Variants in CEP112 observed in about 807,000 individuals in gnomAD.
CEP112 encodes the protein centrosomal protein of 112 kDa.
A neutral mutation model predicts 153.0 loss-of-function variants in CEP112; 127 were observed. The observed-to-expected ratio is 0.83, with a 90% CI of 0.72 to 0.96. CEP112 has a LOEUF of 0.96. Ranked by LOEUF, CEP112 falls within the 40% of genes least tolerant of loss-of-function variation. The pLI is 0.00. For synonymous variants in CEP112, 358 were observed against 374.4 expected (o/e 0.96, Z 0.51); for missense variants, 1,089 against 1,101.2 (o/e 0.99, Z 0.16).
chr17:65,889,778 C>G (rs1476119378), intron 20 of CEP112, among the ~76,000 whole-genome samples: 1 of 152,046 alleles, frequency 6.6e-6, no homozygotes, highest in African/African-American at 2.4e-5. Context: ...CAAACCATAA[C>G]TCAAGGTCTG....
At chr17:66,035,831 A>C (rs2065715410) in intron 12 of CEP112, among the ~76,000 whole-genome samples, 2 of 152,158 alleles carry the variant, frequency 1.3e-5, no homozygotes, top group South Asian at 4.1e-4. Context: ...AACCAAAAGA[A>C]TTCACAGACC....
At chr17:65,904,830 C>T (rs1267457562) in intron 19 of CEP112, among the ~76,000 whole-genome samples, 1 of 152,082 alleles carries the variant, frequency 6.6e-6, no homozygotes, top group Non-Finnish European at 1.5e-5. Context: ...TTTGACAAAC[C>T]TGACAAAAAC....
intron 4 of CEP112, among the ~76,000 whole-genome samples, chr17:66,149,880 GTTTGTTTGTTTTTTT>G (rs2071104162): frequency 1.6e-5 from 1 of 60,740 alleles, no homozygotes; most frequent in East Asian, 4.4e-4. Context: ...TTTTTTTTTT[GTTTGTTTGTTTTTTT>G]TTTTTTTTTT....
chr17:66,013,072 G>T (rs756727577), intron 16 of CEP112, among the ~76,000 whole-genome samples: 120 of 152,248 alleles, frequency 7.9e-4, no homozygotes, highest in Non-Finnish European at 1.6e-3. Context: ...GCTCTATCAG[G>T]TAAGTTTGGT....
At chr17:66,114,184 G>A (rs570340549) in intron 6 of CEP112, among the ~76,000 whole-genome samples, 54 of 152,266 alleles carry the variant, frequency 3.5e-4, no homozygotes, top group Middle Eastern at 3.4e-3. Flanking sequence ...AAATAGAATC[G>A]CAATAATAAA....
intron 12 of CEP112, among the ~76,000 whole-genome samples, chr17:66,031,719 C>T (rs1199591168): frequency 6.6e-6 from 1 of 152,058 alleles, no homozygotes; most frequent in Non-Finnish European, 1.5e-5. Context: ...TTCTCAGCCT[C>T]CCAAAGTGCT....
At chr17:65,989,857 C>G (rs1005348051) in intron 17 of CEP112, among the ~76,000 whole-genome samples, 2 of 152,114 alleles carry the variant, frequency 1.3e-5, no homozygotes, top group African/African-American at 4.8e-5. Flanking sequence ...GTAATTGAGA[C>G]AACATAAAGT....
At chr17:65,771,200 C>T (rs564434145) in intron 21 of CEP112, among the ~76,000 whole-genome samples, 1 of 152,042 alleles carries the variant, frequency 6.6e-6, no homozygotes, top group East Asian at 1.9e-4. Context: ...ACCATGCAAA[C>T]AGTAATCATA....
At chr17:65,928,593 AG>A (rs2061011888) in intron 18 of CEP112, among the ~76,000 whole-genome samples, 1 of 152,210 alleles carries the variant, frequency 6.6e-6, no homozygotes, top group Admixed American at 6.5e-5. Context: ...AATCATAAAA[AG>A]GAAAGAAGTA....
At chr17:65,790,204 G>A (rs1456053244) in intron 21 of CEP112, among the ~76,000 whole-genome samples, 2 of 152,168 alleles carry the variant, frequency 1.3e-5, no homozygotes, top group African/African-American at 2.4e-5. Context: ...CTAAAGGAAA[G>A]AGAGCCATTT....
intron 20 of CEP112, among the ~76,000 whole-genome samples, chr17:65,867,135 CCT>C (rs1344085375): frequency 6.6e-6 from 1 of 152,234 alleles, no homozygotes; most frequent in Non-Finnish European, 1.5e-5. Context: ...ACCACATTCC[CCT>C]GTGTCAGCCA....
At chr17:65,911,499 A>G (rs1280418825) in intron 19 of CEP112, among the ~76,000 whole-genome samples, 3 of 152,112 alleles carry the variant, frequency 2.0e-5, no homozygotes, top group Admixed American at 6.6e-5. Context: ...ATAATCTCTT[A>G]TGTGGTTAAA....
Position 66,030,022 on chromosome 17 carries a change from T to G in CEP112, c.1220A>C (p.Asn407Thr). 2 of 1,612,928 alleles carry G rather than the reference T, an allele frequency of 1.2e-6. No homozygotes were observed. Among genetic ancestry groups the G allele is most frequent in the Non-Finnish European group, 1.7e-6 (2 of 1,179,582 alleles). Residue 407 changes from asparagine to threonine, a missense_variant and splice_region_variant, in exon 13 of 27, where the codon AAC becomes ACC. By Grantham distance (65) the Asn-to-Thr change is moderately conservative. Coordinates refer to ENST00000535342, the MANE Select transcript of CEP112 (RefSeq NM_001199165.4). Reference sequence around the variant, plus strand: ...GGCCTCCAGTTCTTTGATCATGTGGTTCTAAAAGAACAGGTCATGGTTAAG... The same window carrying G: ...GGCCTCCAGTTCTTTGATCATGTGGGTCTAAAAGAACAGGTCATGGTTAAG... ...SEYMAQTQST[N>T]HMIKELEARV...
chr17:66,033,124 T>C (rs1271245108), intron 12 of CEP112, among the ~76,000 whole-genome samples: 1 of 152,024 alleles, frequency 6.6e-6, no homozygotes, highest in Non-Finnish European at 1.5e-5. Context: ...GAAATAACAT[T>C]ATGAGCAAGT....
intron 21 of CEP112, among the ~76,000 whole-genome samples, chr17:65,779,863 C>G (rs1049988452): frequency 1.3e-5 from 2 of 152,108 alleles, no homozygotes; most frequent in Non-Finnish European, 2.9e-5. Flanking sequence ...TTTACTAATA[C>G]TTAACAAAAG....
intron 24 of CEP112, among the ~76,000 whole-genome samples, chr17:65,671,246 G>A (rs929201592): frequency 2.0e-5 from 3 of 152,120 alleles, no homozygotes; most frequent in Non-Finnish European, 2.9e-5. Flanking sequence ...AGAAAAGAGA[G>A]CCCTGACTAC....
chr17:65,684,993 T>C (rs1162535987), intron 24 of CEP112, among the ~76,000 whole-genome samples: 1 of 152,254 alleles, frequency 6.6e-6, no homozygotes, highest in African/African-American at 2.4e-5. Flanking sequence ...GTTTATTGAT[T>C]AGAGAAAACA....
At chr17:65,878,446 C>T (rs919309782) in intron 20 of CEP112, among the ~76,000 whole-genome samples, 8 of 152,192 alleles carry the variant, frequency 5.3e-5, no homozygotes, top group African/African-American at 1.7e-4. Context: ...AACTGCTAAG[C>T]GACCTTGAGT....
rs533354880 is a variant in CEP112 at position 65,915,720 on chromosome 17, G to A, written c.1980+11862C>T. Among the ~76,000 whole-genome samples the A allele has an allele frequency of 2.2e-3, 327 of 150,600 alleles. 1 individual carries two copies. The highest frequency in any genetic ancestry group is 4.8e-3 in the Admixed American group (73 of 15,132). On this transcript the variant is annotated intron_variant, in intron 19 of 26. Coordinates refer to ENST00000535342, the MANE Select transcript of CEP112 (RefSeq NM_001199165.4). ...GGAAAATCGCTTGAACCCAGGAGGC[G>A]GAGGCTGCAGTGAGCTGAGATCACA...
Sources: gnomAD v4.1 joint callset for allele counts (sites outside exome capture counted in the v4.1 genomes callset) on GRCh38, gnomAD v4.1.1 for gene constraint, MANE v1.5 for transcripts, NCBI Gene and HGNC (gene_info 2026-07-23, HGNC 2026-07-21) for gene names.